The following SLC36A1 variants were observed in gnomAD, a reference collection of about 807,000 sequenced individuals.
SLC36A1 encodes proton-coupled amino acid transporter 1.
A neutral mutation model predicts 47.5 loss-of-function variants in SLC36A1; 30 were observed. The ratio of observed to expected loss-of-function variants is 0.63; its 90% CI spans 0.47 to 0.86. The LOEUF (loss-of-function observed/expected upper bound fraction) is 0.86. SLC36A1 is among the 40% of genes least tolerant of loss of function. The pLI, the probability that SLC36A1 is intolerant of heterozygous loss-of-function variation, is 0.00. For missense variants in SLC36A1, 517 were observed against 606.0 expected (o/e 0.85, Z 1.54); for synonymous variants, 255 against 249.7 (o/e 1.02, Z -0.20).
intron 1 of SLC36A1, among the ~76,000 whole-genome samples, chr5:151,457,019 C>T (rs17802828): frequency 0.19 from 28,569 of 152,096 alleles, 2,829 homozygotes; most frequent in East Asian, 0.39. Flanking sequence ...TGCCGGAGGA[C>T]AGTCTGACGG....
At chr5:151,545,629 A>G in the SLC36A1 span, 1 of 1,614,160 alleles carries the variant, frequency 6.2e-7, no homozygotes, top group Non-Finnish European at 8.5e-7. Flanking sequence ...GAAAGAGGGC[A>G]TGCTCTCATA....
chr5:151,376,533 A>AT, the SLC36A1 span, among the ~76,000 whole-genome samples: 4 of 151,818 alleles, frequency 2.6e-5, no homozygotes, highest in Non-Finnish European at 5.9e-5. Flanking sequence ...TGATCTTTCT[A>AT]TTTTGTTTTG....
the SLC36A1 span, among the ~76,000 whole-genome samples, chr5:151,417,481 T>TA: frequency 1.3e-5 from 2 of 152,178 alleles, no homozygotes; most frequent in African/African-American, 4.8e-5. Flanking sequence ...AGGCCTAGGT[T>TA]ACTCTTGCTA....
At chr5:151,351,886 T>C in the SLC36A1 span, among the ~76,000 whole-genome samples, 1 of 151,980 alleles carries the variant, frequency 6.6e-6, no homozygotes, top group Non-Finnish European at 1.5e-5. Flanking sequence ...TCCTGAAACC[T>C]CCTCCTGCTC....
chr5:151,378,223 C>A, the SLC36A1 span: 1 of 226,018 alleles, frequency 4.4e-6, no homozygotes, highest in South Asian at 7.8e-5. Context: ...AACCACTTGC[C>A]AATACATACA....
intron 1 of SLC36A1, among the ~76,000 whole-genome samples, chr5:151,442,170 G>GT (rs1313496467): frequency 6.6e-6 from 1 of 152,050 alleles, no homozygotes; most frequent in Non-Finnish European, 1.5e-5. Context: ...TCAAATAAAT[G>GT]TTTTTGTGTA....
chr5:151,426,729 G>A, the SLC36A1 span, among the ~76,000 whole-genome samples: 22,689 of 151,952 alleles, frequency 0.15, 2,193 homozygotes, highest in East Asian at 0.38. Flanking sequence ...ATGGGTGTCG[G>A]GCTGGGGGAT....
At position 151,488,654 on chromosome 5, in the gene SLC36A1, A is replaced by G. The variant is rs947086094; in HGVS notation, c.*400A>G. ...TGTTTTCACCTTTTCTGGGCCAGGC[A>G]TAGATTAAGTAACTGGGAACGCCCC... On this transcript the variant is annotated 3_prime_UTR_variant, in exon 11 of 11. Transcript: ENST00000243389. The G allele has an allele frequency of 6.4e-5, 12 of 186,544 alleles. No individual in the cohort carries two copies. The highest frequency in any genetic ancestry group is 2.3e-5 in the Non-Finnish European group (2 of 88,266). 11.6% of individuals were successfully genotyped at this position (186,544 alleles called of 1,614,324 possible). A position where few individuals can be genotyped will look rare whatever the true frequency, so the allele number is the denominator to read the frequency against.
At chr5:151,500,053 A>G in the SLC36A1 span, among the ~76,000 whole-genome samples, 1 of 151,998 alleles carries the variant, frequency 6.6e-6, no homozygotes, top group Non-Finnish European at 1.5e-5. Context: ...CACCTCCCCA[A>G]ATCTGGGCCC....
the SLC36A1 span, among the ~76,000 whole-genome samples, chr5:151,393,380 T>C: frequency 1.3e-5 from 2 of 152,214 alleles, no homozygotes; most frequent in Non-Finnish European, 2.9e-5. Flanking sequence ...TGTCTTTTAA[T>C]TGGAGTATTT....
the SLC36A1 span, chr5:151,512,331 C>T: frequency 1.2e-6 from 2 of 1,614,232 alleles, no homozygotes; most frequent in Non-Finnish European, 1.7e-6. The surrounding 1 kb of genome is among the most constrained non-coding windows in gnomAD (Gnocchi z 4.1). Context: ...CGACAGCATC[C>T]AGGCAGCCTT....
At chr5:151,473,218 AT>A (rs749214123) in intron 7 of SLC36A1, among the ~76,000 whole-genome samples, 9,213 of 151,054 alleles carry the variant, frequency 0.061, 324 homozygotes, top group Non-Finnish European at 0.067. Flanking sequence ...AGATAGATAG[AT>A]AGATAGAATA....
the SLC36A1 span, among the ~76,000 whole-genome samples, chr5:151,371,289 C>CT: frequency 6.6e-6 from 1 of 152,122 alleles, no homozygotes; most frequent in Non-Finnish European, 1.5e-5. Flanking sequence ...TTCTTATGTA[C>CT]TTTAATTTTC....
the SLC36A1 span, chr5:151,542,886 C>G: frequency 6.2e-7 from 1 of 1,614,014 alleles, no homozygotes; most frequent in Admixed American, 1.7e-5. Flanking sequence ...CCTTTATGAC[C>G]CCTGTGTCTG....
the SLC36A1 span, chr5:151,531,471 G>A: frequency 5.1e-6 from 7 of 1,371,432 alleles, no homozygotes; most frequent in Non-Finnish European, 6.9e-6. This position sits in a 1 kb window ranked among gnomAD's most constrained non-coding sequence, Gnocchi z 5.7. Flanking sequence ...GAAACGACCA[G>A]AGGAGGTCTG....
At chr5:151,550,847 T>C in the SLC36A1 span, 3 of 1,613,268 alleles carry the variant, frequency 1.9e-6, no homozygotes, top group Non-Finnish European at 2.5e-6. Flanking sequence ...TGGTGGTTAA[T>C]GTTGGCAATC....
the SLC36A1 span, among the ~76,000 whole-genome samples, chr5:151,414,361 A>G: frequency 7.0e-6 from 1 of 142,226 alleles, no homozygotes; most frequent in Non-Finnish European, 1.5e-5. Context: ...TGAGAATGGT[A>G]GATAGCCCAG....
chr5:151,490,319 G>A lies in SLC36A1; in HGVS notation c.*2065G>A, dbSNP rs1225133676. 2 of 152,208 alleles carry A rather than the reference G, an allele frequency of 1.3e-5. No homozygotes were observed. Among genetic ancestry groups the A allele is most frequent in the African/African-American group, 2.4e-5 (1 of 41,428 alleles). 9.4% of individuals were successfully genotyped at this position (152,208 alleles called of 1,614,324 possible). ...ACTGTCATCTCCTGGTTCCAAGTTC[G>A]GGCTCTGGCAGCCCAGCCGCTATCT... On this transcript the variant is annotated 3_prime_UTR_variant, in exon 11 of 11. Coordinates refer to ENST00000243389, the MANE Select transcript of SLC36A1 (RefSeq NM_078483.4).
At chr5:151,540,716 A>G in the SLC36A1 span, 2 of 1,614,074 alleles carry the variant, frequency 1.2e-6, no homozygotes, top group Non-Finnish European at 8.5e-7. Context: ...GAAATCCTCC[A>G]CTCATCTCCA....
Sources: allele counts gnomAD v4.1 joint callset (sites outside exome capture counted in the v4.1 genomes callset), GRCh38; gene constraint gnomAD v4.1.1; non-coding constraint Gnocchi (gnomAD v3.1); transcripts MANE v1.5; gene names NCBI Gene and HGNC (gene_info 2026-07-23, HGNC 2026-07-21).